Variants in NRG1 observed in about 807,000 individuals in gnomAD.
NRG1 encodes neuregulin 1.
In NRG1, 18 loss-of-function variants were observed where a neutral mutation model predicts 63.8. That is an observed-to-expected ratio of 0.28 (90% confidence interval 0.19 to 0.42). The LOEUF is 0.42. Among genes scored for constraint, NRG1 ranks in the 10% least tolerant of loss-of-function variants. The probability of loss-of-function intolerance (pLI) is 1.00; values close to 1 mark genes in which losing one functional copy is unlikely to be tolerated. For missense variants in NRG1, 762 were observed against 814.7 expected, an observed-to-expected ratio of 0.94 and a Z score of 0.79; for synonymous variants, 302 against 301.3, an observed-to-expected ratio of 1.00 and a Z score of -0.02.
intron 1 of NRG1, among the ~76,000 whole-genome samples, chr8:32,527,888 C>T (rs981623757): frequency 2.0e-5 from 3 of 152,122 alleles, no homozygotes; most frequent in African/African-American, 7.2e-5. Context: ...ATCCTGACAG[C>T]GCCACCTTCA....
chr8:32,022,153 T>C (rs1428634223), intron 1 of NRG1, among the ~76,000 whole-genome samples: 1 of 152,202 alleles, frequency 6.6e-6, no homozygotes, highest in Non-Finnish European at 1.5e-5. Flanking sequence ...CTGTTATTTA[T>C]GGGCTTTAAG....
intron 1 of NRG1, among the ~76,000 whole-genome samples, chr8:32,075,978 T>A (rs530056250): frequency 6.6e-6 from 1 of 152,344 alleles, no homozygotes; most frequent in East Asian, 1.9e-4. Context: ...CGGCCACATG[T>A]TTTTAACTTT....
At position 32,207,764 on chromosome 8, in the gene NRG1, G is replaced by A. The variant is rs140866590; in HGVS notation, c.38-388064G>A. Among the ~76,000 whole-genome samples the A allele has an allele frequency of 9.8e-5, 15 of 152,308 alleles. No homozygotes were observed. In the East Asian group the frequency reaches 2.9e-3, roughly 29 times the overall value. On this transcript the variant is annotated intron_variant, in intron 1 of 10. Coordinates refer to the NRG1 transcript ENST00000519301. Reference sequence around the variant, plus strand: ...TCTGACTGTTTGACTGAGAACAGCAGGGAATGGTTTATAGGCCAATCATTT... The same window carrying A: ...TCTGACTGTTTGACTGAGAACAGCAAGGAATGGTTTATAGGCCAATCATTT...
At position 31,640,800 on chromosome 8, in the gene NRG1, G is replaced by A. The variant is rs1036887155; in HGVS notation, c.37+1369G>A. The A allele has an allele frequency of 3.5e-6, 5 of 1,433,228 alleles. No individual in the cohort carries two copies. In the African/African-American group the frequency reaches 5.9e-5, roughly 17 times the overall value. 88.8% of individuals were successfully genotyped at this position (1,433,228 alleles called of 1,614,324 possible). ...GCATCCCGGGCGCGCGGGCAGCGGG[G>A]CTCGACGGCCGCCCGAGCAAGGCAG... is the stretch of plus-strand genomic sequence containing the variant. On this transcript the variant is annotated intron_variant, in intron 1 of 10. Transcript: ENST00000519301. This position sits in a 1 kb window ranked among gnomAD's most constrained non-coding sequence, Gnocchi z 6.3.
rs952415985 is a variant in NRG1, at chr8:31,927,455, T to A, written c.37+288024T>A. 7.2e-3 allele frequency among the ~76,000 whole-genome samples: 987 copies of A among 136,466 alleles called. 11 individuals are homozygous for A. The highest frequency in any genetic ancestry group is 0.026 in the African/African-American group (949 of 36,324). The allele number at this position is 136,466 out of a possible 152,430, so 89.5% of individuals were successfully genotyped here. ...AGAAAACTACTTTTTTTTTTTTTTT[T>A]TTTTTTTTTTTGAGACGGAGTCTCG... On this transcript the variant is annotated intron_variant, in intron 1 of 10. Transcript: ENST00000519301.
intron 5 of NRG1, among the ~76,000 whole-genome samples, chr8:32,649,007 A>C (rs1854336993): frequency 6.6e-6 from 1 of 152,224 alleles, no homozygotes; most frequent in Admixed American, 6.5e-5. Flanking sequence ...TCAGTTAGTG[A>C]GCACTTACTA....
At chr8:31,994,096 G>A (rs1363545150) in intron 1 of NRG1, among the ~76,000 whole-genome samples, 1 of 151,950 alleles carries the variant, frequency 6.6e-6, no homozygotes, top group Admixed American at 6.6e-5. Context: ...GCACTTTGCA[G>A]CAACAAAGAG....
chr8:31,907,552 A>T (rs1284851592), intron 1 of NRG1, among the ~76,000 whole-genome samples: 1 of 152,122 alleles, frequency 6.6e-6, no homozygotes, highest in Admixed American at 6.6e-5. Context: ...ATCTTCTCAT[A>T]TGTAAAACAC....
At chr8:31,901,283 C>T (rs1368533257) in intron 1 of NRG1, among the ~76,000 whole-genome samples, 9 of 152,160 alleles carry the variant, frequency 5.9e-5, no homozygotes, top group Admixed American at 4.6e-4. Flanking sequence ...GGTTCTTTCT[C>T]TTCTACATGT....
intron 1 of NRG1, among the ~76,000 whole-genome samples, chr8:32,566,863 G>A (rs1275328697): frequency 1.3e-5 from 2 of 151,968 alleles, no homozygotes; most frequent in Admixed American, 1.3e-4. Context: ...GTTTTGTTTT[G>A]TTTTGTTTGA....
At chr8:31,870,645 C>T (rs1027346462) in intron 1 of NRG1, among the ~76,000 whole-genome samples, 8 of 152,064 alleles carry the variant, frequency 5.3e-5, no homozygotes, top group African/African-American at 1.9e-4. Context: ...TAGTTTTGGC[C>T]AAATTGTTGC....
At chr8:32,101,478 A>AT (rs35098830) in intron 1 of NRG1, among the ~76,000 whole-genome samples, 215 of 140,218 alleles carry the variant, frequency 1.5e-3, no homozygotes, top group African/African-American at 4.5e-3. Context: ...TAGAAAGCAG[A>AT]TTTTTTTTTT....
intron 1 of NRG1, among the ~76,000 whole-genome samples, chr8:32,488,411 C>T (rs1158582971): frequency 6.6e-6 from 1 of 152,086 alleles, no homozygotes; most frequent in East Asian, 1.9e-4. Flanking sequence ...AATGTGGGAG[C>T]AAATGAAGCC....
At chr8:31,689,161 C>G (rs1809223991) in intron 1 of NRG1, among the ~76,000 whole-genome samples, 1 of 152,160 alleles carries the variant, frequency 6.6e-6, no homozygotes, top group Non-Finnish European at 1.5e-5. Flanking sequence ...GTTTTAAGGT[C>G]ACATGATTAA....
At chr8:32,634,348 C>A (rs1425067028) in intron 5 of NRG1, among the ~76,000 whole-genome samples, 6 of 152,192 alleles carry the variant, frequency 3.9e-5, no homozygotes, top group African/African-American at 1.4e-4. Flanking sequence ...TCACATTTTT[C>A]TGCTAAACTG....
Position 32,304,518 on chromosome 8 carries a change from T to C in NRG1, c.38-291310T>C, listed in dbSNP as rs562736917. Among the ~76,000 whole-genome samples, 51 of 152,212 alleles carry C rather than the reference T, an allele frequency of 3.4e-4. 1 individual carries two copies. The South Asian group carries it at 3.5e-3, about 11-fold the overall frequency. On this transcript the variant is annotated intron_variant, in intron 1 of 10. Coordinates refer to the NRG1 transcript ENST00000519301. ...ATGAAATTGAAGACTTAGTAAAACT[T>C]TCAAAAAAATCCTAAAGACAGTTTA...
chr8:32,134,435 T>C (rs1462736043), intron 1 of NRG1, among the ~76,000 whole-genome samples: 2 of 152,152 alleles, frequency 1.3e-5, no homozygotes, highest in Non-Finnish European at 2.9e-5. Context: ...AATTAGACTG[T>C]ACCAGAAGAT....
intron 1 of NRG1, among the ~76,000 whole-genome samples, chr8:31,852,221 A>G (rs1827312470): frequency 6.6e-6 from 1 of 152,138 alleles, no homozygotes; most frequent in Admixed American, 6.5e-5. Context: ...TTACAGTCCC[A>G]CCAACAGTGT....
rs138301868 is a variant in NRG1, at chr8:32,150,930, C to T, written c.38-444898C>T. ...TAAGAGTTCAGTATTTGTCAACCTA[C>T]GGTCAACATTTGCATCAACAAAGAA... is the stretch of plus-strand genomic sequence containing the variant. On this transcript the variant is annotated intron_variant, in intron 1 of 10. Transcript: ENST00000519301. Among the ~76,000 whole-genome samples the T allele has an allele frequency of 3.3e-3, 508 of 152,264 alleles. 1 individual carries two copies. Among genetic ancestry groups the T allele is most frequent in the South Asian group, 0.023 (113 of 4,824 alleles).
Sources: gnomAD v4.1 joint callset for allele counts (sites outside exome capture counted in the v4.1 genomes callset) on GRCh38, gnomAD v4.1.1 for gene constraint, Gnocchi (gnomAD v3.1) non-coding constraint, MANE v1.5 for transcripts, NCBI Gene and HGNC (gene_info 2026-07-23, HGNC 2026-07-21) for gene names.